The following NVL variants were observed in gnomAD, a reference collection of about 807,000 sequenced individuals.
NVL encodes the protein nuclear VCP like.
A neutral mutation model predicts 110.2 loss-of-function variants in NVL; 84 were observed. The ratio of observed to expected loss-of-function variants is 0.76; its 90% confidence interval spans 0.64 to 0.91. The LOEUF (loss-of-function observed/expected upper bound fraction) is 0.91, where lower values mean the gene tolerates loss of function less well. NVL is among the 40% of genes least tolerant of loss of function. The pLI is 0.00. For synonymous variants in NVL, 354 were observed against 361.1 expected, an observed-to-expected ratio of 0.98 and a Z score of 0.22; for missense variants, 882 against 1,035.9, an observed-to-expected ratio of 0.85 and a Z score of 2.04.
At chr1:224,275,920 T>A (rs1436878109) in intron 16 of NVL, among the ~76,000 whole-genome samples, 1 of 152,248 alleles carries the variant, frequency 6.6e-6, no homozygotes, top group African/African-American at 2.4e-5. Flanking sequence ...ATAACTATTT[T>A]GTCATACAGC....
chr1:224,283,063 T>A (rs1306749693), intron 15 of NVL, among the ~76,000 whole-genome samples: 2 of 152,142 alleles, frequency 1.3e-5, no homozygotes, highest in Non-Finnish European at 2.9e-5. Context: ...ATGAAAGGTG[T>A]TGTGAACACT....
intron 22 of NVL, among the ~76,000 whole-genome samples, chr1:224,229,618 T>C (rs973856056): frequency 2.6e-5 from 4 of 151,448 alleles, no homozygotes; most frequent in Non-Finnish European, 5.9e-5. Flanking sequence ...CCCAGCTAAT[T>C]TTTGTATTTT....
intron 15 of NVL, among the ~76,000 whole-genome samples, chr1:224,283,861 T>G (rs1320519897): frequency 1.3e-5 from 2 of 152,322 alleles, no homozygotes; most frequent in East Asian, 3.9e-4. Flanking sequence ...CAATGCCTTT[T>G]AAGAGTACTG....
chr1:224,323,142 G>A (rs974320175), intron 2 of NVL, among the ~76,000 whole-genome samples: 8 of 152,142 alleles, frequency 5.3e-5, no homozygotes, highest in Non-Finnish European at 1.0e-4. Flanking sequence ...TGGAAGAAAG[G>A]CAGTCCATGT....
intron 2 of NVL, among the ~76,000 whole-genome samples, chr1:224,320,417 T>C (rs1226380411): frequency 2.0e-5 from 3 of 152,118 alleles, no homozygotes; most frequent in Non-Finnish European, 4.4e-5. Flanking sequence ...GAGGCCAAGA[T>C]GGGCGGATCA....
intron 16 of NVL, among the ~76,000 whole-genome samples, chr1:224,277,456 A>C (rs1665885199): frequency 6.6e-6 from 1 of 152,244 alleles, no homozygotes; most frequent in Non-Finnish European, 1.5e-5. Context: ...AGAAGAGAAC[A>C]ATCAATACCG....
chr1:224,236,818 C>A (rs1057268247), intron 19 of NVL, among the ~76,000 whole-genome samples: 13 of 152,082 alleles, frequency 8.5e-5, no homozygotes, highest in South Asian at 2.1e-4. Context: ...GGCTGAGGCA[C>A]GAGAATTGCT....
At chr1:224,300,732 C>A in intron 9 of NVL, 69 bp from the exon 10 acceptor site, 1 of 1,208,440 alleles carries the variant, frequency 8.3e-7, no homozygotes. Flanking sequence ...TTATCCAGTC[C>A]CCTCAAATTT....
intron 18 of NVL, among the ~76,000 whole-genome samples, chr1:224,258,545 G>A (rs1028147432): frequency 1.3e-5 from 2 of 152,026 alleles, no homozygotes; most frequent in Admixed American, 6.6e-5. Context: ...CCACTCCTAG[G>A]TATAGACCCA....
chr1:224,291,174 T>C (rs1176142608), intron 12 of NVL, among the ~76,000 whole-genome samples: 1 of 152,218 alleles, frequency 6.6e-6, no homozygotes, highest in Non-Finnish European at 1.5e-5. Context: ...CATAAAACAA[T>C]GGCTGATCTA....
At chr1:224,238,186 A>AC (rs35936427) in intron 19 of NVL, among the ~76,000 whole-genome samples, 145,021 of 151,834 alleles carry the variant, frequency 0.96, 69,329 homozygotes, top group Middle Eastern at 1. Context: ...GGCACCCACC[A>AC]CACACCTGGC....
chr1:224,329,001 G>A (rs1038727162), intron 1 of NVL, among the ~76,000 whole-genome samples: 1 of 152,018 alleles, frequency 6.6e-6, no homozygotes, highest in Non-Finnish European at 1.5e-5. Context: ...CCAGGAGTTA[G>A]AGACCAGCCA....
At chr1:224,295,492 G>A (rs967429855) in intron 11 of NVL, among the ~76,000 whole-genome samples, 9 of 152,004 alleles carry the variant, frequency 5.9e-5, no homozygotes, top group Middle Eastern at 3.4e-3. Context: ...GAGCCACTGC[G>A]CCCAGCCACA....
chr1:224,303,845 T>C lies in NVL; in HGVS notation c.838A>G (p.Met280Val). Reference protein sequence around the residue: ...NDMTLKEVCKMLIHMRHPEVY... With the variant: ...NDMTLKEVCKVLIHMRHPEVY... ...TCCGGGTGACGCATGTGTATGAGCATCTTGCAGACCTCCTAGCAGAGGATA... is the reference window on the plus strand; with the variant it reads ...TCCGGGTGACGCATGTGTATGAGCACCTTGCAGACCTCCTAGCAGAGGATA... The change falls in exon 9 of 23, where the codon ATG (methionine) becomes GTG (valine). Residue 280 changes from methionine (M) to valine (V), a missense_variant. By Grantham distance (21) the Met-to-Val change is conservative. Transcript: ENST00000281701. 6.2e-7 allele frequency: 1 copy of C among 1,612,322 alleles called. No homozygotes were observed. Among genetic ancestry groups the C allele is most frequent in the Non-Finnish European group, 8.5e-7 (1 of 1,179,116 alleles).
At chr1:224,288,921 T>A in intron 13 of NVL, among the ~76,000 whole-genome samples, 1 of 152,218 alleles carries the variant, frequency 6.6e-6, no homozygotes, top group East Asian at 1.9e-4. Context: ...TTCACATGAC[T>A]GTCCTCCAGA....
chr1:224,285,541 G>A (rs1666779086), intron 15 of NVL, among the ~76,000 whole-genome samples: 1 of 152,170 alleles, frequency 6.6e-6, no homozygotes, highest in Admixed American at 6.5e-5. Flanking sequence ...ATATCTGAAG[G>A]ATTGACAATG....
At chr1:224,271,287 G>C (rs779011908) in intron 17 of NVL, among the ~76,000 whole-genome samples, 3 of 152,130 alleles carry the variant, frequency 2.0e-5, no homozygotes, top group Non-Finnish European at 2.9e-5. Context: ...GAGGCCAGAA[G>C]TTCAATACAA....
At chr1:224,292,547 G>A (rs150723220) in intron 12 of NVL, among the ~76,000 whole-genome samples, 17 of 152,198 alleles carry the variant, frequency 1.1e-4, no homozygotes, top group African/African-American at 3.9e-4. Flanking sequence ...ACCCAGTCCC[G>A]CCTAGGTCTG....
At chr1:224,263,372 T>C (rs1467732446) in intron 18 of NVL, among the ~76,000 whole-genome samples, 1 of 152,228 alleles carries the variant, frequency 6.6e-6, no homozygotes, top group Non-Finnish European at 1.5e-5. Flanking sequence ...TAGTAGGTGC[T>C]CCAAGAACCT....
Sources: gnomAD v4.1 joint callset for allele counts (sites outside exome capture counted in the v4.1 genomes callset) on GRCh38, gnomAD v4.1.1 for gene constraint, MANE v1.5 for transcripts, NCBI Gene and HGNC (gene_info 2026-07-23, HGNC 2026-07-21) for gene names.